Variants in GNG7 observed in about 807,000 individuals in gnomAD.
GNG7 encodes the protein guanine nucleotide-binding protein G(I)/G(S)/G(O) subunit gamma-7.
In GNG7, 1 loss-of-function variant was observed where a neutral mutation model predicts 4.0. The observed-to-expected ratio is 0.25, with a 90% CI of 0.09 to 1.18. GNG7 has a LOEUF of 1.18. Ranked by LOEUF, GNG7 falls within the 50% of genes most tolerant of loss-of-function variation. The probability of loss-of-function intolerance (pLI) is 0.50; values close to 1 mark genes in which losing one functional copy is unlikely to be tolerated. For missense variants in GNG7, 86 were observed against 91.9 expected (o/e 0.94, Z 0.26); for synonymous variants, 34 against 36.9 (o/e 0.92, Z 0.29).
intron 3 of GNG7, among the ~76,000 whole-genome samples, chr19:2,541,739 CAAAAAAAAA>C (rs60594527): frequency 0.067 from 9,038 of 135,594 alleles, 358 homozygotes; most frequent in African/African-American, 0.1. Flanking sequence ...AAGACTCCAT[CAAAAAAAAA>C]AAAAAAAATT....
At chr19:2,594,403 G>GA (rs1980948247) in intron 2 of GNG7, among the ~76,000 whole-genome samples, 2 of 96,084 alleles carry the variant, frequency 2.1e-5, no homozygotes, top group African/African-American at 3.4e-5. Flanking sequence ...AAGAAAGAAG[G>GA]AGGGAAGGAA....
intron 3 of GNG7, among the ~76,000 whole-genome samples, chr19:2,544,716 G>A (rs1331975642): frequency 6.6e-6 from 1 of 152,086 alleles, no homozygotes; most frequent in Non-Finnish European, 1.5e-5. Flanking sequence ...TTGGGGGGGT[G>A]GGTGATTCAG....
intron 1 of GNG7, among the ~76,000 whole-genome samples, chr19:2,676,561 A>G (rs59661558): frequency 0.29 from 43,354 of 151,956 alleles, 6,742 homozygotes; most frequent in East Asian, 0.56. Flanking sequence ...ACAGGCGCGC[A>G]CCATCATGCT....
At position 2,549,353 on chromosome 19, in the gene GNG7, C is replaced by T. The variant is rs529348380; in HGVS notation, c.-38+5796G>A. On this transcript the variant is annotated intron_variant, in intron 3 of 4. Transcript: ENST00000382159. ...TGTCACCCAGGTTGGAGTGCAGTGGCGGATCTCGGCTCACTGCAAACTCCA... is the reference window on the plus strand; with the variant it reads ...TGTCACCCAGGTTGGAGTGCAGTGGTGGATCTCGGCTCACTGCAAACTCCA... Among the ~76,000 whole-genome samples, 386 of 149,930 alleles carry T rather than the reference C, an allele frequency of 2.6e-3. 1 individual carries two copies. Among genetic ancestry groups the T allele is most frequent in the African/African-American group, 8.7e-3 (354 of 40,630 alleles).
intron 2 of GNG7, among the ~76,000 whole-genome samples, chr19:2,603,828 G>C (rs551752402): frequency 6.6e-6 from 1 of 150,638 alleles, no homozygotes; most frequent in Non-Finnish European, 1.5e-5. Flanking sequence ...TAAGGGAGAA[G>C]TGCCTGTTCT....
intron 3 of GNG7, among the ~76,000 whole-genome samples, chr19:2,523,854 G>A (rs189909245): frequency 5.7e-4 from 86 of 152,136 alleles, no homozygotes; most frequent in African/African-American, 2.1e-3. Flanking sequence ...CTTTGACACC[G>A]CCCAGCCTCC....
At chr19:2,619,763 G>T (rs1174068705) in intron 2 of GNG7, among the ~76,000 whole-genome samples, 1 of 152,044 alleles carries the variant, frequency 6.6e-6, no homozygotes, top group Non-Finnish European at 1.5e-5. Context: ...CAGGGCTGCC[G>T]GGGGGAGATG....
intron 2 of GNG7, among the ~76,000 whole-genome samples, chr19:2,579,078 G>C (rs941492464): frequency 3.9e-5 from 6 of 152,214 alleles, no homozygotes; most frequent in Non-Finnish European, 7.3e-5. Flanking sequence ...GCTCGTCTCC[G>C]GCCCTGGCAG....
chr19:2,520,834 T>G, intron 3 of GNG7, 109 bp from the exon 4 acceptor site: 1 of 597,822 alleles, frequency 1.7e-6, no homozygotes. Flanking sequence ...ACGGCCACTT[T>G]GCCTCTGGGT....
chr19:2,565,915 C>T (rs919453464), intron 2 of GNG7, among the ~76,000 whole-genome samples: 8 of 152,172 alleles, frequency 5.3e-5, no homozygotes, highest in Admixed American at 3.3e-4. Context: ...CCCAGCACTT[C>T]GGGAGGCCAG....
chr19:2,538,303 T>C (rs1182614262), intron 3 of GNG7: 1 of 456,008 alleles, frequency 2.2e-6, no homozygotes, highest in Admixed American at 2.4e-5. Context: ...TTTAGAGAGA[T>C]CCCTCCACGA....
chr19:2,606,953 G>C (rs1304437837), intron 2 of GNG7, among the ~76,000 whole-genome samples: 1 of 151,946 alleles, frequency 6.6e-6, no homozygotes, highest in Non-Finnish European at 1.5e-5. Context: ...GGGCACCGTG[G>C]CTCATGCCTG....
At position 2,615,695 on chromosome 19, in the gene GNG7, C is replaced by T. The variant is rs138246925; in HGVS notation, c.-78+30529G>A. On this transcript the variant is annotated intron_variant, in intron 2 of 4. Coordinates refer to ENST00000382159, the MANE Select transcript of GNG7 (RefSeq NM_052847.3). ...AGCCAGGATGGTCTCGATGTCCTGA[C>T]CTCATGATCTGCCCGCCTCGGCCTC... Among the ~76,000 whole-genome samples, 1,110 of 151,808 alleles carry T rather than the reference C, an allele frequency of 7.3e-3. 13 individuals are homozygous for T. The highest frequency in any genetic ancestry group is 0.025 in the African/African-American group (1,054 of 41,400).
At chr19:2,652,178 A>C (rs972126948) in intron 1 of GNG7, among the ~76,000 whole-genome samples, 4 of 152,196 alleles carry the variant, frequency 2.6e-5, no homozygotes, top group African/African-American at 9.6e-5. Flanking sequence ...CCGTCTCAAA[A>C]AAAAAAAATT....
chr19:2,684,135 A>ATTTTT (rs547594113), intron 1 of GNG7, among the ~76,000 whole-genome samples: 7 of 125,326 alleles, frequency 5.6e-5, no homozygotes, highest in African/African-American at 2.2e-4. Context: ...CAGCCTGGCC[A>ATTTTT]TTTTTTTTTT....
chr19:2,537,258 T>G (rs1413900127), intron 3 of GNG7, among the ~76,000 whole-genome samples: 1 of 151,862 alleles, frequency 6.6e-6, no homozygotes, highest in South Asian at 2.1e-4. Context: ...CACATACATA[T>G]TTTTAGAGCC....
intron 2 of GNG7, among the ~76,000 whole-genome samples, chr19:2,573,638 G>A (rs116825451): frequency 0.085 from 12,898 of 151,944 alleles, 787 homozygotes; most frequent in African/African-American, 0.17. Flanking sequence ...TCAACATGGT[G>A]AAAGAGTTAG....
At chr19:2,692,570 G>A (rs891963904) in intron 1 of GNG7, among the ~76,000 whole-genome samples, 1 of 151,300 alleles carries the variant, frequency 6.6e-6, no homozygotes, top group African/African-American at 2.4e-5. Context: ...GGGAGGTGGA[G>A]CTTGCAGTGA....
intron 2 of GNG7, among the ~76,000 whole-genome samples, chr19:2,586,155 T>C (rs1980666346): frequency 6.6e-6 from 1 of 152,206 alleles, no homozygotes; most frequent in African/African-American, 2.4e-5. Flanking sequence ...TGTAGACTTG[T>C]GGAACCGGGG....
Sources: allele counts gnomAD v4.1 joint callset (sites outside exome capture counted in the v4.1 genomes callset), GRCh38; gene constraint gnomAD v4.1.1; transcripts MANE v1.5; gene names NCBI Gene and HGNC (gene_info 2026-07-23, HGNC 2026-07-21).